UROC1: variants seen among roughly 807,000 people sequenced by gnomAD.
The protein encoded by UROC1 is urocanate hydratase 1.
UROC1 carries 79 observed loss-of-function variants against 89.5 expected under a neutral mutation model. The observed-to-expected ratio is 0.88, with a 90% CI of 0.74 to 1.06. The LOEUF (loss-of-function observed/expected upper bound fraction) is 1.06, where lower values mean the gene tolerates loss of function less well. UROC1 is among the 50% of genes least tolerant of loss of function. The pLI, the probability that UROC1 is intolerant of heterozygous loss-of-function variation, is 0.00. For missense variants in UROC1, 885 were observed against 907.8 expected, an observed-to-expected ratio of 0.97 and a Z score of 0.32; for synonymous variants, 361 against 354.8, an observed-to-expected ratio of 1.02 and a Z score of -0.20.
intron 15 of UROC1, among the ~76,000 whole-genome samples, chr3:126,493,488 G>C (rs1410387708): frequency 6.6e-6 from 1 of 152,214 alleles, no homozygotes; most frequent in Non-Finnish European, 1.5e-5. Context: ...GAACCCTGAA[G>C]ACATTATGAT....
chr3:126,501,529 G>A (rs1207645813), intron 9 of UROC1, among the ~76,000 whole-genome samples: 1 of 152,236 alleles, frequency 6.6e-6, no homozygotes, highest in African/African-American at 2.4e-5. Flanking sequence ...CATGGCAGTG[G>A]CAAAACTGCC....
chr3:126,499,969 G>C (rs569001737), intron 12 of UROC1, 88 bp downstream of exon 12: 7 of 1,305,216 alleles, frequency 5.4e-6, no homozygotes, highest in Non-Finnish European at 7.7e-6. Flanking sequence ...TGGCACCTCC[G>C]AGTGAGGTGG....
chr3:126,488,949 A>G (rs748465), intron 17 of UROC1, among the ~76,000 whole-genome samples: 104,513 of 151,934 alleles, frequency 0.69, 36,347 homozygotes, highest in South Asian at 0.76. Context: ...CTTGGTGCTC[A>G]GCTATGAAGA....
rs1397218333 is a variant in UROC1, at chr3:126,500,058, T to C, written c.1242A>G (p.Ala414=). The C allele has an allele frequency of 6.2e-7, 1 of 1,612,700 alleles. No homozygotes were observed. Among genetic ancestry groups the C allele is most frequent in the Admixed American group, 1.7e-5 (1 of 60,026 alleles). Residue 414 remains alanine, a splice_region_variant and synonymous_variant, in exon 12 of 20, where the codon GCA becomes GCG. Coordinates refer to ENST00000290868, the MANE Select transcript of UROC1 (RefSeq NM_144639.3). ...CTCCTCCCTCCTCCTTCCTCCTACCTGCTCTCTGGGCCTCCAAGAGGAAGG... is the reference window on the plus strand; with the variant it reads ...CTCCTCCCTCCTCCTTCCTCCTACCCGCTCTCTGGGCCTCCAAGAGGAAGG... The part of the protein sequence containing the change: ...GNAFLLEAQR[A]GADVEKKGAG...
Position 126,501,228 on chromosome 3 carries a change from C to T in UROC1, c.955G>A (p.Val319Met). ...VLSLGYHGNVVALWERLVHEL... is the reference protein window; with the variant it reads ...VLSLGYHGNVMALWERLVHEL... ...CCAACCCCCACTCACCAAAGAGCCA[C>T]CACGTTGCCATGGTAACCAAGGCTG... is the stretch of plus-strand genomic sequence containing the variant. Residue 319 changes from valine to methionine, a missense_variant, in exon 10 of 20, where the codon GTG becomes ATG. By Grantham distance (21) the Val-to-Met change is conservative. Transcript: ENST00000290868. The T allele has an allele frequency of 6.2e-7, 1 of 1,614,186 alleles. No individual in the cohort carries two copies. Among genetic ancestry groups the T allele is most frequent in the Non-Finnish European group, 8.5e-7 (1 of 1,180,024 alleles).
In UROC1 at chr3:126,495,828, C is replaced by G. The variant is rs184722185; in HGVS notation, c.1509+210G>C. Among the ~76,000 whole-genome samples the G allele has an allele frequency of 6.9e-3, 1,054 of 152,350 alleles. 13 individuals carry two copies. The highest frequency in any genetic ancestry group is 0.025 in the African/African-American group (1,027 of 41,578). ...CCCTTTAAAGGTCCCCGGCTTCTTT[C>G]TCCAGCAGCCCCTTGGGCTGCTTCC... On this transcript the variant is annotated intron_variant, in intron 15 of 19. Transcript: ENST00000290868.
At position 126,509,175 on chromosome 3, in the gene UROC1, G is replaced by T. The variant is rs1290274960; in HGVS notation, c.351+410C>A. 2.0e-5 allele frequency among the ~76,000 whole-genome samples: 3 copies of T among 151,088 alleles called. No homozygotes were observed. The East Asian group carries it at 5.8e-4, about 29-fold the overall frequency. ...CACTTGAGCCCCGGAGGTTGAGGTTGCAGTGAGCCAAGATCAAGCCACTAT... is the reference window on the plus strand; with the variant it reads ...CACTTGAGCCCCGGAGGTTGAGGTTTCAGTGAGCCAAGATCAAGCCACTAT... On this transcript the variant is annotated intron_variant, in intron 3 of 19. Coordinates refer to ENST00000290868, the MANE Select transcript of UROC1 (RefSeq NM_144639.3).
At chr3:126,506,226 T>A (rs1250746467) in intron 6 of UROC1, among the ~76,000 whole-genome samples, 1 of 152,210 alleles carries the variant, frequency 6.6e-6, no homozygotes, top group Non-Finnish European at 1.5e-5. Context: ...ACAAGCAGAT[T>A]TTGTTCTGTT....
intron 15 of UROC1, among the ~76,000 whole-genome samples, chr3:126,495,518 G>A (rs1161008445): frequency 1.3e-5 from 2 of 152,146 alleles, no homozygotes; most frequent in Non-Finnish European, 2.9e-5. Context: ...CCATCTCATG[G>A]TTAACCCACA....
chr3:126,517,558 A>C, intron 1 of UROC1, 36 bp downstream of exon 1: 1 of 1,612,108 alleles, frequency 6.2e-7, no homozygotes, highest in Non-Finnish European at 8.5e-7. Flanking sequence ...GGATGCCTAG[A>C]GGCCAAGGCC....
chr3:126,507,850 G>A (rs1394540144), intron 5 of UROC1, 47 bp from the exon 6 acceptor site: 4 of 1,613,088 alleles, frequency 2.5e-6, no homozygotes, highest in South Asian at 1.1e-5. Context: ...GGCTTGGAGG[G>A]CGAGCACAGA....
At position 126,500,147 on chromosome 3, in the gene UROC1, T is replaced by G; in HGVS notation, c.1153A>C (p.Arg385=). 6.2e-7 allele frequency: 1 copy of G among 1,613,664 alleles called. No individual in the cohort carries two copies. The highest frequency in any genetic ancestry group is 8.5e-7 in the Non-Finnish European group (1 of 1,179,970). Residue 385 remains arginine, a synonymous_variant, in exon 12 of 20, where the codon AGG becomes CGG. Transcript: ENST00000290868. ...AACCTGTTGATGGCTGAGACTTGCCTCCTCAGGCTGCAACAAGCCATGGGT... is the reference window on the plus strand; with the variant it reads ...AACCTGTTGATGGCTGAGACTTGCCGCCTCAGGCTGCAACAAGCCATGGGT... The part of the protein sequence containing the change: ...FKDLVQESLR[R]QVSAINRLAE...
intron 13 of UROC1, 103 bp from the exon 14 acceptor site, chr3:126,498,275 G>C: frequency 6.3e-7 from 1 of 1,593,314 alleles, no homozygotes; most frequent in Non-Finnish European, 8.6e-7. Context: ...CCAGAAGTCA[G>C]GTGTGGAACC....
At chr3:126,517,571 G>C in intron 1 of UROC1, 23 bp downstream of exon 1, 1 of 1,612,330 alleles carries the variant, frequency 6.2e-7, no homozygotes, top group Non-Finnish European at 8.5e-7. Flanking sequence ...CCAAGGCCTC[G>C]GGAGCACGGG....
At chr3:126,493,601 T>TG (rs1277097096) in intron 15 of UROC1, among the ~76,000 whole-genome samples, 3 of 152,036 alleles carry the variant, frequency 2.0e-5, no homozygotes, top group South Asian at 2.1e-4. Context: ...GAGTTAGTGT[T>TG]TAATGGGGAC....
At position 126,489,063 on chromosome 3, in the gene UROC1, A is replaced by C. The variant is rs550965102; in HGVS notation, c.1708+213T>G. Among the ~76,000 whole-genome samples the C allele has an allele frequency of 2.0e-5, 3 of 152,320 alleles. No homozygotes were observed. The South Asian group carries it at 6.2e-4, about 32-fold the overall frequency. On this transcript the variant is annotated intron_variant, in intron 17 of 19. Coordinates refer to ENST00000290868, the MANE Select transcript of UROC1 (RefSeq NM_144639.3). ...CACAGCCTGTAGGTCACCCAAGTCC[A>C]GGGCACCCAGCTGGCCCGGTGTGCC...
chr3:126,483,512 C>T, intron 18 of UROC1, 44 bp from the exon 19 acceptor site: 8 of 1,567,124 alleles, frequency 5.1e-6, no homozygotes, highest in Non-Finnish European at 6.1e-6. Context: ...TGGGGCCCAA[C>T]ACTGCACAGA....
chr3:126,505,820 G>C lies in UROC1; in HGVS notation c.694C>G (p.Arg232Gly), dbSNP rs574284072. The change falls in exon 8 of 20, where the codon CGG (arginine) becomes GGG (glycine). Residue 232 changes from arginine (R) to glycine (G), a missense_variant. Arg to Gly is a moderately radical substitution (Grantham distance 125, BLOSUM62 -2). Transcript: ENST00000290868. The stretch of plus-strand genomic sequence containing the variant: ...GCCAAGTCCTCGATGCCCAGGTACC[G>C]ACGTGCAGCATTCAACACGGTGAGC... ...TVLTVLNAAR[R>G]YLGIEDLAGK... 1 of 1,613,694 alleles carries C rather than the reference G, an allele frequency of 6.2e-7. No individual in the cohort carries two copies. Among genetic ancestry groups the C allele is most frequent in the Non-Finnish European group, 8.5e-7 (1 of 1,180,032 alleles).
rs2107546946 is a variant in UROC1, at chr3:126,505,943, A to T, written c.669+2T>A. The stretch of plus-strand genomic sequence containing the variant: ...ACAGCCAGGCGTGGCCCCATCTCTC[A>T]CCACAGTGCCATGAACGATTCCCTG... On this transcript the variant is annotated splice_donor_variant, in intron 7 of 19. Coordinates refer to ENST00000290868, the MANE Select transcript of UROC1 (RefSeq NM_144639.3). LOFTEE classifies it high-confidence loss of function. The T allele has an allele frequency of 1.9e-6, 3 of 1,608,478 alleles. No homozygotes were observed. The highest frequency in any genetic ancestry group is 1.7e-4 in the Middle Eastern group (1 of 6,058).
Sources: allele counts gnomAD v4.1 joint callset (sites outside exome capture counted in the v4.1 genomes callset), GRCh38; gene constraint gnomAD v4.1.1; transcripts MANE v1.5; gene names NCBI Gene and HGNC (gene_info 2026-07-23, HGNC 2026-07-21).